Variants in CBR4 observed in about 807,000 individuals in gnomAD.
CBR4 encodes the protein 3-oxoacyl-[acyl-carrier-protein] reductase.
A neutral mutation model predicts 21.0 loss-of-function variants in CBR4; 22 were observed. The observed-to-expected ratio is 1.05, with a 90% confidence interval of 0.75 to 1.50. The LOEUF is 1.50. Among genes scored for constraint, CBR4 ranks in the 40% most tolerant of loss-of-function variants. The pLI, the probability that CBR4 is intolerant of heterozygous loss-of-function variation, is 0.00. For missense variants in CBR4, 302 were observed against 286.3 expected, an observed-to-expected ratio of 1.05 and a Z score of -0.40; for synonymous variants, 100 against 104.4, an observed-to-expected ratio of 0.96 and a Z score of 0.26.
chr4:168,907,014 A>T (rs1757955269), intron 2 of CBR4, among the ~76,000 whole-genome samples: 1 of 152,238 alleles, frequency 6.6e-6, no homozygotes, highest in Admixed American at 6.5e-5. Flanking sequence ...GAACTTTGGC[A>T]TCAGGCAATC....
rs114243531 is a variant in CBR4, at chr4:168,971,731, C to T, written n.169+30340G>A. On this transcript the variant is annotated intron_variant and non_coding_transcript_variant, in intron 2 of 3. Coordinates refer to the CBR4 transcript ENST00000509108. ...GATGGATAGTTTCTGAATATTTTCT[C>T]CCACTCTGTGAGTTGTTTACGCTGC... 5.0e-3 allele frequency among the ~76,000 whole-genome samples: 760 copies of T among 152,232 alleles called. 8 individuals carry two copies. The highest frequency in any genetic ancestry group is 0.017 in the African/African-American group (710 of 41,522).
chr4:168,942,154 G>A (rs2126680704), intron 2 of CBR4, among the ~76,000 whole-genome samples: 1 of 151,874 alleles, frequency 6.6e-6, no homozygotes, highest in Admixed American at 6.6e-5. Context: ...AACACCACAT[G>A]TTCTCACTCA....
chr4:168,901,755 G>T (rs1756570357), intron 2 of CBR4, among the ~76,000 whole-genome samples: 1 of 152,174 alleles, frequency 6.6e-6, no homozygotes, highest in Non-Finnish European at 1.5e-5. Context: ...CTACTCAGGA[G>T]GCTGAGGCAA....
intron 2 of CBR4, among the ~76,000 whole-genome samples, chr4:168,922,240 G>A (rs548762121): frequency 2.6e-5 from 4 of 151,938 alleles, no homozygotes; most frequent in Non-Finnish European, 5.9e-5. Flanking sequence ...GGTAAATTCT[G>A]TAAAAGTGCT....
At position 168,989,697 on chromosome 4, in the gene CBR4, CTT is replaced by C. The variant is rs550773585; in HGVS notation, c.*451_*452del. 4.2e-3 allele frequency: 4,129 copies of C among 982,234 alleles called. 17 individuals carry two copies. Among genetic ancestry groups the C allele is most frequent in the Middle Eastern group, 0.015 (29 of 1,910 alleles). The allele number at this position is 982,234 out of a possible 1,614,324, so 60.8% of individuals were successfully genotyped here. A position where few individuals can be genotyped will look rare whatever the true frequency, so the allele number is the denominator to read the frequency against. On this transcript the variant is annotated 3_prime_UTR_variant, in exon 5 of 5. Transcript: ENST00000306193. ...ATAATTAGACAATATAATTTTTCCA[CTT>C]TTGAGACAAAATATATAAATCAATA...
At chr4:168,922,231 G>A (rs1271158556) in intron 2 of CBR4, among the ~76,000 whole-genome samples, 3 of 151,826 alleles carry the variant, frequency 2.0e-5, no homozygotes, top group Non-Finnish European at 2.9e-5. Context: ...TATTGTGTAG[G>A]TAAATTCTGT....
At chr4:168,962,263 C>T (rs1171412274) in intron 2 of CBR4, among the ~76,000 whole-genome samples, 1 of 151,872 alleles carries the variant, frequency 6.6e-6, no homozygotes, top group African/African-American at 2.4e-5. Context: ...AAATACACAA[C>T]CATATATTAC....
chr4:169,007,882 T>C lies in CBR4; in HGVS notation c.143-126A>G, dbSNP rs1171383709. 4 of 581,786 alleles carry C rather than the reference T, an allele frequency of 6.9e-6. No homozygotes were observed. In the East Asian group the frequency reaches 1.5e-4, roughly 22 times the overall value. The allele number at this position is 581,786 out of a possible 1,614,324, so 36.0% of individuals were successfully genotyped here. Reference sequence around the variant, plus strand: ...ATCTAGAACCTAAAGATTAAAAAAGTAATGTCATGAGGCCTGGCTTTCATA... The same window carrying C: ...ATCTAGAACCTAAAGATTAAAAAAGCAATGTCATGAGGCCTGGCTTTCATA... On this transcript the variant is annotated intron_variant, in intron 1 of 4. Coordinates refer to ENST00000306193, the MANE Select transcript of CBR4 (RefSeq NM_032783.5).
intron 2 of CBR4, among the ~76,000 whole-genome samples, chr4:168,938,394 A>G (rs1010039458): frequency 6.6e-6 from 1 of 152,218 alleles, no homozygotes; most frequent in Non-Finnish European, 1.5e-5. Context: ...TAACATCCCT[A>G]TGAAAAGAAC....
chr4:168,975,203 C>T (rs575312583), intron 2 of CBR4, among the ~76,000 whole-genome samples: 1 of 152,284 alleles, frequency 6.6e-6, no homozygotes, highest in African/African-American at 2.4e-5. Context: ...TTCAGGGCTA[C>T]CAGACTCCAG....
intron 2 of CBR4, among the ~76,000 whole-genome samples, chr4:168,969,134 G>T (rs774558156): frequency 6.6e-6 from 1 of 152,170 alleles, no homozygotes; most frequent in Non-Finnish European, 1.5e-5. Flanking sequence ...TGAAACACCT[G>T]GTTAGATTCC....
In CBR4 at chr4:169,010,251, A is replaced by C; in HGVS notation, c.-162T>G. On this transcript the variant is annotated 5_prime_UTR_variant, in exon 1 of 5. Transcript: ENST00000306193. The stretch of plus-strand genomic sequence containing the variant: ...GCTCGACACCTCCTGCAGCCGCACA[A>C]TAGTAATGCAAGACGCCGTGAAAAG... The C allele has an allele frequency of 3.2e-6, 2 of 624,404 alleles. No homozygotes were observed. Among genetic ancestry groups the C allele is most frequent in the Non-Finnish European group, 5.3e-6 (2 of 379,870 alleles). The allele number at this position is 624,404 out of a possible 1,614,324, so 38.7% of individuals were successfully genotyped here.
chr4:168,946,561 C>A lies in CBR4; in HGVS notation n.170-51796G>T, dbSNP rs552099860. On this transcript the variant is annotated intron_variant and non_coding_transcript_variant, in intron 2 of 3. Coordinates refer to the CBR4 transcript ENST00000509108. ...TTATTAAGCTGGACATTAAAATGAT[C>A]CACAAAAATGTAAAGTAATGTCACT... Among the ~76,000 whole-genome samples the A allele has an allele frequency of 6.6e-5, 10 of 151,878 alleles. No individual in the cohort carries two copies. The South Asian group carries it at 1.5e-3, about 22-fold the overall frequency.
At chr4:168,898,519 G>A in intron 2 of CBR4, 1 of 1,613,280 alleles carries the variant, frequency 6.2e-7, no homozygotes, top group Non-Finnish European at 8.5e-7. Flanking sequence ...GCTGTGAACA[G>A]AGACTCATCA....
Position 168,896,715 on chromosome 4 carries a change from T to C in CBR4, n.170-1950A>G, listed in dbSNP as rs1171636111. The C allele has an allele frequency of 1.4e-5, 9 of 663,816 alleles. No homozygotes were observed. The Admixed American group carries it at 2.4e-4, about 18-fold the overall frequency. The allele number at this position is 663,816 out of a possible 1,614,324, so 41.1% of individuals were successfully genotyped here. The stretch of plus-strand genomic sequence containing the variant: ...TGCCATATATTAATTATAAATGCTA[T>C]GACCAGTGTCTGTTTCATTTAATAT... On this transcript the variant is annotated intron_variant and non_coding_transcript_variant, in intron 2 of 3. Coordinates refer to the CBR4 transcript ENST00000509108.
At chr4:168,983,282 C>A (rs1229731922), downstream of CBR4, among the ~76,000 whole-genome samples, 2 of 151,956 alleles carry the variant, frequency 1.3e-5, no homozygotes, top group African/African-American at 4.8e-5. Context: ...GAGACCATTA[C>A]AAACACCTCT....
intron 2 of CBR4, among the ~76,000 whole-genome samples, chr4:168,969,624 C>A (rs1288526772): frequency 6.6e-6 from 1 of 152,116 alleles, no homozygotes; most frequent in East Asian, 1.9e-4. Flanking sequence ...CTCCATGTTG[C>A]CCATGGAAAC....
chr4:168,919,148 A>C (rs1319697598), intron 2 of CBR4, among the ~76,000 whole-genome samples: 1 of 152,254 alleles, frequency 6.6e-6, no homozygotes, highest in East Asian at 1.9e-4. Flanking sequence ...TGTCCTTAAA[A>C]CGCCTGCCAT....
downstream of CBR4, among the ~76,000 whole-genome samples, chr4:168,985,951 C>A (rs555414632): frequency 1.3e-4 from 20 of 152,150 alleles, no homozygotes; most frequent in Middle Eastern, 3.4e-3. Context: ...AACTACCTAT[C>A]AGGTATTATG....
Sources: gnomAD v4.1 joint callset for allele counts (sites outside exome capture counted in the v4.1 genomes callset) on GRCh38, gnomAD v4.1.1 for gene constraint, MANE v1.5 for transcripts, NCBI Gene and HGNC (gene_info 2026-07-23, HGNC 2026-07-21) for gene names.